The following TENM2 variants were observed in gnomAD, a reference collection of about 807,000 sequenced individuals.
TENM2 encodes the protein teneurin-2.
A neutral mutation model predicts 245.2 loss-of-function variants in TENM2; 52 were observed. The ratio of observed to expected loss-of-function variants is 0.21; its 90% CI spans 0.17 to 0.27. TENM2 has a LOEUF of 0.27. Among genes scored for constraint, TENM2 ranks in the 10% least tolerant of loss-of-function variants. The pLI is 1.00. For synonymous variants in TENM2, 1,363 were observed against 1,438.9 expected (o/e 0.95, Z 1.19); for missense variants, 3,046 against 3,666.8 (o/e 0.83, Z 4.37).
chr5:167,950,431 T>C (rs1237749758), intron 3 of TENM2, among the ~76,000 whole-genome samples: 1 of 152,054 alleles, frequency 6.6e-6, no homozygotes, highest in Non-Finnish European at 1.5e-5. Flanking sequence ...CTCTTTGTAC[T>C]TTAGAAGAGT....
At chr5:167,419,868 G>C (rs1417963379) in intron 2 of TENM2, among the ~76,000 whole-genome samples, 1 of 152,164 alleles carries the variant, frequency 6.6e-6, no homozygotes, top group Non-Finnish European at 1.5e-5. Flanking sequence ...TAAGTAACAA[G>C]AGGGGACTTC....
the TENM2 span, among the ~76,000 whole-genome samples, chr5:167,229,119 CTCTGTATGATT>C: frequency 6.6e-6 from 1 of 151,840 alleles, no homozygotes; most frequent in African/African-American, 2.4e-5. Flanking sequence ...GTGGTGTAGA[CTCTGTATGATT>C]TCTTCAGCTG....
chr5:167,104,608 A>C, the TENM2 span, among the ~76,000 whole-genome samples: 1 of 152,218 alleles, frequency 6.6e-6, no homozygotes, highest in Non-Finnish European at 1.5e-5. Flanking sequence ...TTTGAGTTTT[A>C]TGTTTAGTCA....
intron 2 of TENM2, among the ~76,000 whole-genome samples, chr5:167,801,132 ATATATATATATATATATATATG>A (rs1486975619): frequency 3.4e-4 from 36 of 104,534 alleles, no homozygotes; most frequent in East Asian, 1.8e-3. Context: ...ATATATATAT[ATATATATATATATATATATATG>A]TATATATTCC....
At chr5:167,396,201 G>T (rs1344216624) in intron 2 of TENM2, among the ~76,000 whole-genome samples, 2 of 152,118 alleles carry the variant, frequency 1.3e-5, no homozygotes, top group Admixed American at 1.3e-4. Context: ...AAGATGTGGG[G>T]AGAACTTAAA....
At chr5:167,317,236 A>G (rs999694374) in intron 1 of TENM2, among the ~76,000 whole-genome samples, 1 of 152,162 alleles carries the variant, frequency 6.6e-6, no homozygotes, top group African/African-American at 2.4e-5. Flanking sequence ...CCTATTCAAG[A>G]AATGGCCATT....
chr5:168,065,531 A>G (rs1790420378), intron 7 of TENM2, among the ~76,000 whole-genome samples: 1 of 152,226 alleles, frequency 6.6e-6, no homozygotes, highest in African/African-American at 2.4e-5. Context: ...AGCGCAATAG[A>G]AAGCTATGAT....
chr5:167,193,348 C>A, the TENM2 span, among the ~76,000 whole-genome samples: 84 of 152,108 alleles, frequency 5.5e-4, 2 homozygotes, highest in Admixed American at 1.5e-3. Flanking sequence ...AAGTGTGAAT[C>A]TGATTCCCCA....
chr5:167,785,510 A>C (rs1372305521), intron 2 of TENM2, among the ~76,000 whole-genome samples: 1 of 152,174 alleles, frequency 6.6e-6, no homozygotes, highest in Non-Finnish European at 1.5e-5. Context: ...AATCAGATGG[A>C]TTGATCGCTG....
intron 2 of TENM2, among the ~76,000 whole-genome samples, chr5:167,441,340 A>G (rs1048300779): frequency 6.6e-6 from 1 of 152,196 alleles, no homozygotes; most frequent in African/African-American, 2.4e-5. Flanking sequence ...GCTGTTACCC[A>G]TCTCTACATT....
At chr5:167,317,503 G>A (rs1756437794) in intron 1 of TENM2, among the ~76,000 whole-genome samples, 1 of 151,654 alleles carries the variant, frequency 6.6e-6, no homozygotes, top group Non-Finnish European at 1.5e-5. Flanking sequence ...ATCAGGAAAT[G>A]GATCCCTGAG....
At chr5:167,947,647 T>G (rs1779740414) in intron 3 of TENM2, among the ~76,000 whole-genome samples, 1 of 152,208 alleles carries the variant, frequency 6.6e-6, no homozygotes, top group African/African-American at 2.4e-5. Flanking sequence ...CAACCAGAGA[T>G]TCTCAAGTCT....
Position 167,559,558 on chromosome 5 carries a change from T to A in TENM2, c.502+184085T>A, listed in dbSNP as rs934693094. 5.3e-5 allele frequency among the ~76,000 whole-genome samples: 8 copies of A among 152,220 alleles called. No homozygotes were observed. In the East Asian group the frequency reaches 1.5e-3, roughly 29 times the overall value. On this transcript the variant is annotated intron_variant, in intron 2 of 28. Transcript: ENST00000518659. Reference sequence around the variant, plus strand: ...GTCCTCAGAACCATCATTTTAATAGTGATCTTCACTGGATTAAAAAAATCT... The same window carrying A: ...GTCCTCAGAACCATCATTTTAATAGAGATCTTCACTGGATTAAAAAAATCT...
At chr5:168,177,912 C>T (rs1462705684) in intron 13 of TENM2, among the ~76,000 whole-genome samples, 2 of 152,234 alleles carry the variant, frequency 1.3e-5, no homozygotes, top group Non-Finnish European at 2.9e-5. Context: ...TGGAACATGG[C>T]AGCAGCCACG....
At position 168,250,326 on chromosome 5, in the gene TENM2, G is replaced by A. The variant is rs566402360; in HGVS notation, c.7432+1955G>A. 5.9e-5 allele frequency among the ~76,000 whole-genome samples: 9 copies of A among 152,206 alleles called. No individual in the cohort carries two copies. The South Asian group carries it at 1.9e-3, about 32-fold the overall frequency. On this transcript the variant is annotated intron_variant, in intron 27 of 28. Transcript: ENST00000518659. ...AGAGAGTGAGATCCAAAGAGACCAG[G>A]GCCCCAAAGGGCTAACTTTCAGCAA... is the stretch of plus-strand genomic sequence containing the variant.
the TENM2 span, among the ~76,000 whole-genome samples, chr5:167,082,200 G>A: frequency 1.3e-5 from 2 of 152,148 alleles, no homozygotes; most frequent in South Asian, 2.1e-4. Flanking sequence ...CCAGAAGAGC[G>A]AAATGCATAT....
chr5:168,149,519 G>A, intron 12 of TENM2: 1 of 456,380 alleles, frequency 2.2e-6, no homozygotes, highest in Non-Finnish European at 4.4e-6. Context: ...TAGGAAAACA[G>A]AAACACATCT....
In TENM2 at chr5:168,218,247, C is replaced by A. The variant is rs1021277902; in HGVS notation, c.4356C>A (p.Arg1452=). Residue 1452 remains arginine (R), a synonymous_variant, in exon 23 of 29, where the codon CGC becomes CGA. Transcript: ENST00000518659. The surrounding 1 kb of genome is among the most constrained non-coding windows in gnomAD (Gnocchi z 5.2). ...ACCAAGTCAGCATCATTGCGGGACGCCCCATGCACTGCCAAGTTCCTGGCA... is the reference window on the plus strand; with the variant it reads ...ACCAAGTCAGCATCATTGCGGGACGACCCATGCACTGCCAAGTTCCTGGCA... 3.1e-6 allele frequency: 5 copies of A among 1,613,746 alleles called. No homozygotes were observed. The highest frequency in any genetic ancestry group is 3.4e-6 in the Non-Finnish European group (4 of 1,179,886).
the TENM2 span, among the ~76,000 whole-genome samples, chr5:167,056,747 G>T: frequency 1.3e-5 from 2 of 150,054 alleles, no homozygotes; most frequent in South Asian, 4.2e-4. Flanking sequence ...ATACCTAGGT[G>T]TTTATTTATT....
Sources: allele counts gnomAD v4.1 joint callset (sites outside exome capture counted in the v4.1 genomes callset), GRCh38; gene constraint gnomAD v4.1.1; non-coding constraint Gnocchi (gnomAD v3.1); transcripts MANE v1.5; gene names NCBI Gene and HGNC (gene_info 2026-07-23, HGNC 2026-07-21).